The following PTCHD4 variants were observed in gnomAD, a reference collection of about 807,000 sequenced individuals.
PTCHD4 encodes patched domain-containing protein 4.
PTCHD4 carries 33 observed loss-of-function variants against 58.1 expected under a neutral mutation model. The observed-to-expected ratio is 0.57, with a 90% CI of 0.43 to 0.76. The LOEUF (loss-of-function observed/expected upper bound fraction) is 0.76, where lower values mean the gene tolerates loss of function less well. Among genes scored for constraint, PTCHD4 ranks in the 30% least tolerant of loss-of-function variants. The probability of loss-of-function intolerance (pLI) is 0.00; values close to 1 mark genes in which losing one functional copy is unlikely to be tolerated. For missense variants in PTCHD4, 1,058 were observed against 1,027.1 expected, an observed-to-expected ratio of 1.03 and a Z score of -0.41; for synonymous variants, 478 against 409.6, an observed-to-expected ratio of 1.17 and a Z score of -2.02.
At chr6:48,034,283 A>G (rs1014533757) in intron 3 of PTCHD4, among the ~76,000 whole-genome samples, 1 of 152,130 alleles carries the variant, frequency 6.6e-6, no homozygotes, top group Non-Finnish European at 1.5e-5. Flanking sequence ...CACATGACCT[A>G]AAATGACAGG....
intron 1 of PTCHD4, among the ~76,000 whole-genome samples, chr6:48,070,769 T>C (rs1458216035): frequency 6.6e-6 from 1 of 152,226 alleles, no homozygotes; most frequent in East Asian, 1.9e-4. Context: ...GTGGAGTCAC[T>C]TTTGCATGCC....
At position 48,058,282 on chromosome 6, in the gene PTCHD4, A is replaced by G. The variant is rs145785150; in HGVS notation, c.417+9948T>C. On this transcript the variant is annotated intron_variant, in intron 3 of 4. Transcript: ENST00000339488. Reference sequence around the variant, plus strand: ...AGCAGATCCCGAATTAGGTCTGAAAATTTGCATTTCTAACAAGTTCCCAGG... The same window carrying G: ...AGCAGATCCCGAATTAGGTCTGAAAGTTTGCATTTCTAACAAGTTCCCAGG... Among the ~76,000 whole-genome samples the G allele has an allele frequency of 8.2e-4, 125 of 152,362 alleles. 5 individuals carry two copies. Among genetic ancestry groups the G allele is most frequent in the African/African-American group, 2.9e-3 (122 of 41,592 alleles).
rs1361079107 is a variant in PTCHD4 at position 47,867,953 on chromosome 6, T to A, written c.*10350A>T. On this transcript the variant is annotated 3_prime_UTR_variant, in exon 5 of 5. Coordinates refer to ENST00000339488, the MANE Select transcript of PTCHD4 (RefSeq NM_001384253.1). ...GGGGTACTTCAGAAACCCATCTACA[T>A]CAAATCTTGATCCTAAAATGGGACT... Among the ~76,000 whole-genome samples, 1 of 151,700 alleles carries A rather than the reference T, an allele frequency of 6.6e-6. No individual in the cohort carries two copies. The highest frequency in any genetic ancestry group is 6.6e-5 in the Admixed American group (1 of 15,176).
At chr6:48,021,327 A>C (rs1160277709) in intron 3 of PTCHD4, among the ~76,000 whole-genome samples, 3 of 151,996 alleles carry the variant, frequency 2.0e-5, no homozygotes, top group Non-Finnish European at 4.4e-5. Context: ...ACACACACTT[A>C]ACTCCTGAGC....
intron 1 of PTCHD4, among the ~76,000 whole-genome samples, chr6:48,079,970 A>ATTTTTTTTTTTTTTTTTTTTT (rs141629864): frequency 1.3e-5 from 1 of 76,146 alleles, no homozygotes; most frequent in South Asian, 4.8e-4. Flanking sequence ...CCTTATGATG[A>ATTTTTTTTTTTTTTTTTTTTT]TTTTTTTTTT....
At chr6:47,903,403 A>T (rs1478629988) in intron 4 of PTCHD4, among the ~76,000 whole-genome samples, 2 of 151,902 alleles carry the variant, frequency 1.3e-5, no homozygotes, top group African/African-American at 4.8e-5. Context: ...TGTAGCCTCA[A>T]CCTCCCTGGC....
intron 4 of PTCHD4, chr6:47,901,415 A>G (rs992286361): frequency 1.0e-6 from 1 of 974,132 alleles, no homozygotes; most frequent in East Asian, 1.1e-4. Flanking sequence ...AAACACGATA[A>G]TTGTTCCTCC....
In PTCHD4 at chr6:48,008,780, A is replaced by G. The variant is rs1023226044; in HGVS notation, c.752T>C (p.Met251Thr). 6.2e-7 allele frequency: 1 copy of G among 1,614,000 alleles called. No individual in the cohort carries two copies. The highest frequency in any genetic ancestry group is 8.5e-7 in the Non-Finnish European group (1 of 1,179,894). ...ILTTATLSSS[M>T]KDCLRSKPFL... ...GGGCTTACTGCGCAAGCAGTCCTTCATGGAGCTGGAGAGGGTGGCTGTGGT... is the reference window on the plus strand; with the variant it reads ...GGGCTTACTGCGCAAGCAGTCCTTCGTGGAGCTGGAGAGGGTGGCTGTGGT... The change falls in exon 4 of 5, where the codon ATG becomes ACG. Residue 251 changes from methionine (M) to threonine (T), a missense_variant. Physicochemically the swap from Met to Thr is moderately conservative, Grantham distance 81 (BLOSUM62 -1). Transcript: ENST00000339488.
intron 4 of PTCHD4, among the ~76,000 whole-genome samples, chr6:47,887,633 T>C (rs967326312): frequency 1.3e-5 from 2 of 152,216 alleles, no homozygotes; most frequent in Non-Finnish European, 2.9e-5. Flanking sequence ...TTGTTCTATG[T>C]TGTTCTTTGA....
intron 4 of PTCHD4, among the ~76,000 whole-genome samples, chr6:47,905,044 C>CACACACACACACACAA (rs1764833733): frequency 5.7e-3 from 2 of 350 alleles, no homozygotes; most frequent in South Asian, 0.033. Context: ...ATACAGCCAT[C>CACACACACACACACAA]ACACACACAC....
chr6:48,014,099 A>G (rs1023167846), intron 3 of PTCHD4, among the ~76,000 whole-genome samples: 21 of 152,276 alleles, frequency 1.4e-4, no homozygotes, highest in African/African-American at 3.8e-4. Context: ...AAATTAATAT[A>G]ACAAATAGAA....
intron 4 of PTCHD4, among the ~76,000 whole-genome samples, chr6:47,992,583 TTGA>T (rs1326507787): frequency 6.6e-6 from 1 of 152,210 alleles, no homozygotes; most frequent in East Asian, 1.9e-4. Context: ...ATGGAAATTC[TTGA>T]TTATTATTAA....
intron 4 of PTCHD4, among the ~76,000 whole-genome samples, chr6:47,914,765 T>TA (rs1400148647): frequency 1.3e-5 from 2 of 148,642 alleles, no homozygotes; most frequent in Non-Finnish European, 2.9e-5. Context: ...TCTATCTATC[T>TA]ATCTATCTAT....
intron 3 of PTCHD4, among the ~76,000 whole-genome samples, chr6:48,035,915 C>A (rs1763615996): frequency 6.6e-6 from 1 of 152,130 alleles, no homozygotes; most frequent in South Asian, 2.1e-4. Flanking sequence ...AGAGTTGAGC[C>A]TTATCTCTCT....
chr6:47,972,789 A>G (rs1212731614), intron 4 of PTCHD4, among the ~76,000 whole-genome samples: 1 of 152,002 alleles, frequency 6.6e-6, no homozygotes, highest in African/African-American at 2.4e-5. Flanking sequence ...CTAAGTGATG[A>G]GACTTGGAAT....
rs139992643 is a variant in PTCHD4, at chr6:47,940,473, T to A, written c.899-60537A>T. ...ATTTAACCAATGATTTTGTTTTTCA[T>A]CTCCAAAGGGAGTTCCCCAGAGTCA... On this transcript the variant is annotated intron_variant, in intron 4 of 4. Coordinates refer to ENST00000339488, the MANE Select transcript of PTCHD4 (RefSeq NM_001384253.1). 1.8e-3 allele frequency among the ~76,000 whole-genome samples: 277 copies of A among 152,332 alleles called. 1 individual carries two copies. Among genetic ancestry groups the A allele is most frequent in the African/African-American group, 6.3e-3 (264 of 41,582 alleles).
At position 47,863,167 on chromosome 6, in the gene PTCHD4, AG is replaced by A. The variant is rs1175388236; in HGVS notation, c.*15135del. On this transcript the variant is annotated 3_prime_UTR_variant, in exon 5 of 5. Coordinates refer to ENST00000339488, the MANE Select transcript of PTCHD4 (RefSeq NM_001384253.1). ...CTGAGACTTATGTGGTCCCACATGC[AG>A]GGGCAGATCAAAATTTTGTTGAGCC... is the stretch of plus-strand genomic sequence containing the variant. 6.6e-6 allele frequency among the ~76,000 whole-genome samples: 1 copy of A among 151,900 alleles called. No individual in the cohort carries two copies. Among genetic ancestry groups the A allele is most frequent in the Non-Finnish European group, 1.5e-5 (1 of 67,876 alleles).
At chr6:48,091,698 G>A (rs1765368690) in intron 1 of PTCHD4, among the ~76,000 whole-genome samples, 1 of 146,552 alleles carries the variant, frequency 6.8e-6, no homozygotes, top group Non-Finnish European at 1.5e-5. Flanking sequence ...CCAGGATGGA[G>A]TGTAGTGGCA....
intron 1 of PTCHD4, among the ~76,000 whole-genome samples, chr6:48,103,803 T>C (rs1011992316): frequency 6.6e-6 from 1 of 152,146 alleles, no homozygotes; most frequent in African/African-American, 2.4e-5. Flanking sequence ...ACGTGATGAA[T>C]GCACAAGCCT....
Sources: gnomAD v4.1 joint callset for allele counts (sites outside exome capture counted in the v4.1 genomes callset) on GRCh38, gnomAD v4.1.1 for gene constraint, MANE v1.5 for transcripts, NCBI Gene and HGNC (gene_info 2026-07-23, HGNC 2026-07-21) for gene names.